DAB1: variants seen among roughly 807,000 people sequenced by gnomAD.
DAB1 encodes DAB adaptor protein 1.
DAB1 carries 15 observed loss-of-function variants against 64.6 expected under a neutral mutation model. That is an observed-to-expected ratio of 0.23 (90% CI 0.16 to 0.36). DAB1 has a LOEUF of 0.36. Ranked by LOEUF, DAB1 falls within the 10% of genes least tolerant of loss-of-function variation. The pLI, the probability that DAB1 is intolerant of heterozygous loss-of-function variation, is 1.00. For synonymous variants in DAB1, 235 were observed against 251.9 expected (o/e 0.93, Z 0.64); for missense variants, 596 against 706.7 (o/e 0.84, Z 1.78).
At chr1:58,350,895 C>A (rs933432795) in intron 3 of DAB1, among the ~76,000 whole-genome samples, 1 of 152,158 alleles carries the variant, frequency 6.6e-6, no homozygotes, top group Non-Finnish European at 1.5e-5. Context: ...TAGCATGATG[C>A]CTCCAGCTTT....
chr1:57,511,565 C>A (rs887026743), intron 7 of DAB1, among the ~76,000 whole-genome samples: 1 of 152,232 alleles, frequency 6.6e-6, no homozygotes, highest in African/African-American at 2.4e-5. Flanking sequence ...ATAATTGCAA[C>A]CAATTTTCTT....
intron 9 of DAB1, among the ~76,000 whole-genome samples, chr1:57,043,748 G>C (rs768048766): frequency 4.6e-5 from 7 of 152,016 alleles, no homozygotes; most frequent in Non-Finnish European, 1.0e-4. Context: ...TCAGGATGCT[G>C]AGGCAGGATA....
In DAB1 at chr1:58,028,756, T is replaced by C. The variant is rs557236993; in HGVS notation, n.387+121755A>G. Among the ~76,000 whole-genome samples, 87 of 152,314 alleles carry C rather than the reference T, an allele frequency of 5.7e-4. 1 individual carries two copies. The South Asian group carries it at 0.015, about 27-fold the overall frequency. ...ATAAATTTTAGTGAGTAGTCAAATT[T>C]GCAAATGTGGAATCTGCAAATAATA... On this transcript the variant is annotated intron_variant and non_coding_transcript_variant, in intron 5 of 20. Coordinates refer to the DAB1 transcript ENST00000485760.
At chr1:57,718,915 T>A (rs2101755464) in intron 6 of DAB1, among the ~76,000 whole-genome samples, 1 of 151,682 alleles carries the variant, frequency 6.6e-6, no homozygotes, top group Admixed American at 6.6e-5. Flanking sequence ...GTGAAAAAAA[T>A]ACTGATTTCC....
intron 9 of DAB1, among the ~76,000 whole-genome samples, chr1:57,045,561 C>T (rs1648364696): frequency 6.6e-6 from 1 of 151,912 alleles, no homozygotes; most frequent in African/African-American, 2.4e-5. Flanking sequence ...AGCTGGGCAT[C>T]GTGGCACATG....
chr1:57,115,838 T>A lies in DAB1; in HGVS notation c.306+20705A>T, dbSNP rs1656058448. On this transcript the variant is annotated intron_variant, in intron 4 of 14. Coordinates refer to ENST00000371236, the MANE Select transcript of DAB1 (RefSeq NM_001365792.1). ...TGGGGCATTTTTCAAAAGAATAGAG[T>A]TCTTGTAAGGAAGAGATCTGAAGTT... Among the ~76,000 whole-genome samples, 3 of 152,042 alleles carry A rather than the reference T, an allele frequency of 2.0e-5. No homozygotes were observed. The South Asian group carries it at 6.2e-4, about 32-fold the overall frequency.
chr1:57,658,119 C>T (rs915449475), intron 6 of DAB1, among the ~76,000 whole-genome samples: 2 of 152,092 alleles, frequency 1.3e-5, no homozygotes, highest in Admixed American at 1.3e-4. Context: ...TGAGAACACA[C>T]ATGGGGCCAC....
At chr1:58,317,687 C>T (rs976279586) in intron 4 of DAB1, among the ~76,000 whole-genome samples, 1 of 152,176 alleles carries the variant, frequency 6.6e-6, no homozygotes, top group Non-Finnish European at 1.5e-5. Flanking sequence ...CAGATAAGAG[C>T]CCAGCCAAGG....
intron 1 of DAB1, among the ~76,000 whole-genome samples, chr1:57,423,397 G>A (rs535316283): frequency 6.6e-6 from 1 of 152,234 alleles, no homozygotes; most frequent in South Asian, 2.1e-4. Flanking sequence ...TACTGGGATA[G>A]AGTCGGTTTT....
intron 6 of DAB1, among the ~76,000 whole-genome samples, chr1:57,724,300 AAGGGAGGG>A (rs796874377): frequency 0.014 from 999 of 73,052 alleles, 15 homozygotes; most frequent in African/African-American, 0.037. Flanking sequence ...GGAAGGAAGG[AAGGGAGGG>A]AGGGAGGGAG....
At chr1:57,781,120 CTCTCTCTATATATATATATATATATATA>C (rs1332826857) in intron 6 of DAB1, among the ~76,000 whole-genome samples, 1,371 of 48,156 alleles carry the variant, frequency 0.028, 4 homozygotes, top group East Asian at 0.05. Flanking sequence ...CTCTCTCTCT[CTCTCTCTATATATATATATATATATATA>C]TATATATATA....
At chr1:57,702,019 T>C (rs1479631812) in intron 6 of DAB1, among the ~76,000 whole-genome samples, 2 of 152,350 alleles carry the variant, frequency 1.3e-5, no homozygotes. Context: ...CCTTGCTCTG[T>C]CCATTTGAGG....
At chr1:57,074,583 T>C (rs1184817707) in intron 4 of DAB1, among the ~76,000 whole-genome samples, 1 of 152,194 alleles carries the variant, frequency 6.6e-6, no homozygotes, top group African/African-American at 2.4e-5. Flanking sequence ...AAATCATTTG[T>C]GGCAGCAGAA....
chr1:58,093,227 C>T (rs1429639048), intron 5 of DAB1, among the ~76,000 whole-genome samples: 3 of 152,054 alleles, frequency 2.0e-5, no homozygotes, highest in Non-Finnish European at 4.4e-5. Flanking sequence ...GCCATGGGGG[C>T]GTAGTGAATT....
chr1:57,400,377 C>T (rs35404211), intron 1 of DAB1, among the ~76,000 whole-genome samples: 2,247 of 152,152 alleles, frequency 0.015, 24 homozygotes, highest in South Asian at 0.036. Flanking sequence ...TGGCACATAA[C>T]CCACGTGGCT....
At chr1:57,286,539 G>A (rs1238622179) in intron 2 of DAB1, among the ~76,000 whole-genome samples, 3 of 152,084 alleles carry the variant, frequency 2.0e-5, no homozygotes, top group Non-Finnish European at 2.9e-5. Flanking sequence ...TTTGTTTTAC[G>A]GAATTATGCA....
chr1:57,929,645 A>G (rs1486554192), intron 5 of DAB1, among the ~76,000 whole-genome samples: 2 of 152,188 alleles, frequency 1.3e-5, no homozygotes, highest in African/African-American at 2.4e-5. Context: ...TAGTTCTACA[A>G]GTCATATGGG....
chr1:57,183,124 A>G (rs771403508), intron 2 of DAB1, among the ~76,000 whole-genome samples: 5 of 152,076 alleles, frequency 3.3e-5, no homozygotes, highest in Non-Finnish European at 5.9e-5. Context: ...GAAATTTTAG[A>G]ATACAAACAG....
intron 5 of DAB1, among the ~76,000 whole-genome samples, chr1:57,969,816 T>A (rs1212652621): frequency 6.6e-6 from 1 of 152,112 alleles, no homozygotes; most frequent in Non-Finnish European, 1.5e-5. Flanking sequence ...AAATGGGGAT[T>A]TACACTCTTC....
Sources: gnomAD v4.1 joint callset for allele counts (sites outside exome capture counted in the v4.1 genomes callset) on GRCh38, gnomAD v4.1.1 for gene constraint, MANE v1.5 for transcripts, NCBI Gene and HGNC (gene_info 2026-07-23, HGNC 2026-07-21) for gene names.